The following GRM1 variants were observed in gnomAD, a reference collection of about 807,000 sequenced individuals.
GRM1 encodes the protein metabotropic glutamate receptor 1.
GRM1 carries 33 observed loss-of-function variants against 90.9 expected under a neutral mutation model. That is an observed-to-expected ratio of 0.36 (90% CI 0.28 to 0.49). The LOEUF is 0.49. Among genes scored for constraint, GRM1 ranks in the 20% least tolerant of loss-of-function variants. The pLI is 0.99. For missense variants in GRM1, 1,190 were observed against 1,534.3 expected, an observed-to-expected ratio of 0.78 and a Z score of 3.75; for synonymous variants, 700 against 613.2, an observed-to-expected ratio of 1.14 and a Z score of -2.09.
chr6:146,067,504 A>G (rs1268450535), intron 1 of GRM1, among the ~76,000 whole-genome samples: 1 of 152,172 alleles, frequency 6.6e-6, no homozygotes, highest in African/African-American at 2.4e-5. Context: ...GGAATGGAAT[A>G]GGACAGTTAA....
intron 2 of GRM1, among the ~76,000 whole-genome samples, chr6:146,264,228 C>T (rs1781794889): frequency 6.6e-6 from 1 of 151,984 alleles, no homozygotes; most frequent in South Asian, 2.1e-4. Flanking sequence ...GCTTACTGTC[C>T]TATAGAAGAA....
chr6:146,228,063 T>G (rs531823180), intron 2 of GRM1, among the ~76,000 whole-genome samples: 4 of 152,316 alleles, frequency 2.6e-5, no homozygotes, highest in African/African-American at 9.6e-5. Flanking sequence ...TACAAAATGT[T>G]AAGGCCTCAT....
intron 1 of GRM1, among the ~76,000 whole-genome samples, chr6:146,062,614 C>A (rs763053834): frequency 1.4e-3 from 211 of 152,030 alleles, no homozygotes; most frequent in Non-Finnish European, 1.6e-3. Context: ...CAGTACTGTG[C>A]ATATATCTTT....
intron 6 of GRM1, among the ~76,000 whole-genome samples, chr6:146,398,205 G>A (rs1348149733): frequency 6.6e-6 from 1 of 152,100 alleles, no homozygotes; most frequent in Non-Finnish European, 1.5e-5. Flanking sequence ...TGAGAAGAGT[G>A]AGATTTAAGG....
At chr6:146,043,464 A>G (rs1335003052) in intron 1 of GRM1, among the ~76,000 whole-genome samples, 1 of 151,906 alleles carries the variant, frequency 6.6e-6, no homozygotes, top group Non-Finnish European at 1.5e-5. Flanking sequence ...TTTTTTGTTG[A>G]AGATATTGCC....
rs532617517 is a variant in GRM1 at position 146,304,835 on chromosome 6, G to A, written c.1175G>A (p.Arg392Gln). The A allele has an allele frequency of 5.0e-6, 8 of 1,605,928 alleles. No individual in the cohort carries two copies. Among genetic ancestry groups the A allele is most frequent in the South Asian group, 1.1e-5 (1 of 90,894 alleles). Reference protein sequence around the residue: ...GHLLENPNFKRICTGNESLEE... With the variant: ...GHLLENPNFKQICTGNESLEE... ...CTTCTGGAAAATCCCAACTTTAAAC[G>A]AATCTGCACAGGTAACTCATGTTCA... is the stretch of plus-strand genomic sequence containing the variant. Residue 392 changes from arginine to glutamine, a missense_variant, in exon 3 of 8, where the codon CGA becomes CAA. Physicochemically the swap from Arg to Gln is conservative, Grantham distance 43. Coordinates refer to ENST00000282753, the MANE Select transcript of GRM1 (RefSeq NM_001278064.2).
In GRM1 at chr6:146,272,549, C is replaced by T. The variant is rs547577818; in HGVS notation, c.951-32062C>T. Among the ~76,000 whole-genome samples, 13 of 152,202 alleles carry T rather than the reference C, an allele frequency of 8.5e-5. No individual in the cohort carries two copies. The East Asian group carries it at 2.5e-3, about 29-fold the overall frequency. ...ATTATTCCAGTGGATTTCCCATGCA[C>T]ACAAATATCTATGATCAATACAGTA... On this transcript the variant is annotated intron_variant, in intron 2 of 7. Transcript: ENST00000282753.
Position 146,434,263 on chromosome 6 carries a change from C to A in GRM1, c.3052C>A (p.Gln1018Lys), listed in dbSNP as rs924403782. The A allele has an allele frequency of 6.3e-7, 1 of 1,590,772 alleles. No homozygotes were observed. The change falls in exon 8 of 8, where the codon CAG becomes AAG. Residue 1018 changes from glutamine (Q) to lysine (K), a missense_variant. By Grantham distance (53) the Gln-to-Lys change is moderately conservative. Transcript: ENST00000282753. ...CCCCAAGGGCTTGCCCCCTCCTCTC[C>A]AGCAGCAGCAGCAACCCCCTCCACA... ...ALPKGLPPPL[Q>K]QQQQPPPQQK... is the part of the protein sequence containing the mutation.
chr6:146,124,037 T>C (rs1455923759), intron 1 of GRM1, among the ~76,000 whole-genome samples: 1 of 152,218 alleles, frequency 6.6e-6, no homozygotes, highest in Non-Finnish European at 1.5e-5. Flanking sequence ...TTTCTTTTGA[T>C]TTCAGCTTTG....
intron 5 of GRM1, among the ~76,000 whole-genome samples, chr6:146,359,791 C>T (rs780928829): frequency 7.9e-5 from 12 of 152,088 alleles, no homozygotes; most frequent in Non-Finnish European, 1.2e-4. Flanking sequence ...TGCGTGTTAT[C>T]GAAGGAGATC....
chr6:146,212,100 A>C (rs1198781274), intron 2 of GRM1, among the ~76,000 whole-genome samples: 2 of 152,196 alleles, frequency 1.3e-5, no homozygotes, highest in Non-Finnish European at 2.9e-5. Flanking sequence ...ACATGTATTA[A>C]CTGAGGGAAT....
At chr6:146,339,682 T>C (rs894563947) in intron 3 of GRM1, among the ~76,000 whole-genome samples, 9 of 152,232 alleles carry the variant, frequency 5.9e-5, no homozygotes, top group Admixed American at 3.3e-4. Context: ...AAATAACTTA[T>C]TACTGCATGA....
At chr6:146,064,337 C>T (rs183760020) in intron 1 of GRM1, among the ~76,000 whole-genome samples, 50 of 152,272 alleles carry the variant, frequency 3.3e-4, no homozygotes, top group Non-Finnish European at 6.2e-4. Context: ...TGGTTTTCAT[C>T]TTAATACTTT....
chr6:146,354,881 G>GTATTTTTCCCTGGA (rs1785528991), intron 4 of GRM1, among the ~76,000 whole-genome samples: 1 of 152,148 alleles, frequency 6.6e-6, no homozygotes, highest in South Asian at 2.1e-4. Flanking sequence ...AATGAAGTCA[G>GTATTTTTCCCTGGA]TATTTTTCCC....
intron 1 of GRM1, among the ~76,000 whole-genome samples, chr6:146,035,729 A>G (rs1790866735): frequency 6.6e-6 from 1 of 151,952 alleles, no homozygotes; most frequent in African/African-American, 2.4e-5. Context: ...AAGGCCATTT[A>G]TTATTACTCA....
intron 2 of GRM1, among the ~76,000 whole-genome samples, chr6:146,289,798 G>T (rs1782910776): frequency 6.6e-6 from 1 of 152,226 alleles, no homozygotes; most frequent in Non-Finnish European, 1.5e-5. Flanking sequence ...AGGCTGCACA[G>T]ATTTATATGC....
chr6:146,362,614 G>A (rs1286478539), intron 5 of GRM1, among the ~76,000 whole-genome samples: 1 of 141,456 alleles, frequency 7.1e-6, no homozygotes, highest in Admixed American at 7.6e-5. Context: ...GGGAGGCAGA[G>A]CTTGCAGTGA....
intron 1 of GRM1, among the ~76,000 whole-genome samples, chr6:146,107,104 G>T (rs954052769): frequency 3.9e-5 from 6 of 152,080 alleles, no homozygotes; most frequent in East Asian, 1.9e-4. Context: ...CATCATTCCT[G>T]CAATGTTTTG....
chr6:146,067,869 T>C (rs1315370550), intron 1 of GRM1, among the ~76,000 whole-genome samples: 2 of 152,190 alleles, frequency 1.3e-5, no homozygotes, highest in Non-Finnish European at 2.9e-5. Context: ...TGTGACGTGA[T>C]AAAATGAAAT....
Sources: gnomAD v4.1 joint callset for allele counts (sites outside exome capture counted in the v4.1 genomes callset) on GRCh38, gnomAD v4.1.1 for gene constraint, MANE v1.5 for transcripts, NCBI Gene and HGNC (gene_info 2026-07-23, HGNC 2026-07-21) for gene names.